The following CADPS2 variants were observed in gnomAD, a reference collection of about 807,000 sequenced individuals.
CADPS2 encodes the protein calcium dependent secretion activator 2.
CADPS2 carries 93 observed loss-of-function variants against 172.5 expected under a neutral mutation model. The ratio of observed to expected loss-of-function variants is 0.54; its 90% CI spans 0.46 to 0.64. CADPS2 has a LOEUF of 0.64. CADPS2 is among the 30% of genes least tolerant of loss of function. The pLI is 0.00. For missense variants in CADPS2, 1,420 were observed against 1,565.9 expected (o/e 0.91, Z 1.57); for synonymous variants, 546 against 555.2 (o/e 0.98, Z 0.23).
chr7:122,708,452 A>ATG (rs1296579623), intron 2 of CADPS2, among the ~76,000 whole-genome samples: 1 of 65,282 alleles, frequency 1.5e-5, no homozygotes, highest in African/African-American at 4.5e-5. Flanking sequence ...GTATATATAT[A>ATG]TGTGTGTGGA....
At chr7:122,471,592 T>C (rs1317148597) in intron 13 of CADPS2, 30 bp from the exon 14 acceptor site, 4 of 1,515,618 alleles carry the variant, frequency 2.6e-6, no homozygotes, top group East Asian at 2.5e-5. Context: ...TAGATATACA[T>C]GTTTTTTCTT....
At chr7:122,374,951 T>C (rs1232095678) in intron 25 of CADPS2, among the ~76,000 whole-genome samples, 1 of 152,088 alleles carries the variant, frequency 6.6e-6, no homozygotes, top group Non-Finnish European at 1.5e-5. Flanking sequence ...TCATCTACAA[T>C]AGCATCAAAA....
intron 17 of CADPS2, among the ~76,000 whole-genome samples, chr7:122,436,910 C>T (rs1330198231): frequency 6.6e-6 from 1 of 151,984 alleles, no homozygotes; most frequent in African/African-American, 2.4e-5. Context: ...AGTTAATAGT[C>T]AAAAATATTA....
intron 19 of CADPS2, among the ~76,000 whole-genome samples, chr7:122,409,193 C>A (rs929186281): frequency 6.6e-6 from 1 of 152,172 alleles, no homozygotes; most frequent in African/African-American, 2.4e-5. Flanking sequence ...ACAGATCTTG[C>A]GCCTATCTTT....
At chr7:122,810,671 G>T (rs1322067464) in intron 1 of CADPS2, among the ~76,000 whole-genome samples, 1 of 152,074 alleles carries the variant, frequency 6.6e-6, no homozygotes, top group Non-Finnish European at 1.5e-5. Context: ...TGGGGCTCAG[G>T]AATTTGCTTT....
intron 2 of CADPS2, among the ~76,000 whole-genome samples, chr7:122,693,855 T>G (rs551902560): frequency 2.0e-5 from 3 of 152,170 alleles, no homozygotes; most frequent in Middle Eastern, 3.4e-3. Flanking sequence ...AATCAGCTAC[T>G]TGGGAGGCTG....
At chr7:122,839,851 C>T (rs11971637) in intron 1 of CADPS2, among the ~76,000 whole-genome samples, 30,205 of 152,114 alleles carry the variant, frequency 0.2, 3,731 homozygotes, top group African/African-American at 0.35. Context: ...ACTGGTTCAA[C>T]CATTGTGGAA....
At chr7:122,876,638 C>T (rs1821286204) in intron 1 of CADPS2, among the ~76,000 whole-genome samples, 1 of 152,050 alleles carries the variant, frequency 6.6e-6, no homozygotes, top group Non-Finnish European at 1.5e-5. Flanking sequence ...GCTGGGATTA[C>T]ATGTATTAGC....
At chr7:122,706,811 C>CATAT (rs200334796) in intron 2 of CADPS2, among the ~76,000 whole-genome samples, 1 of 146,714 alleles carries the variant, frequency 6.8e-6, no homozygotes, top group Admixed American at 6.9e-5. Flanking sequence ...CACACACACA[C>CATAT]ATATATATAT....
chr7:122,798,841 T>C (rs778118979), intron 1 of CADPS2, among the ~76,000 whole-genome samples: 14 of 151,898 alleles, frequency 9.2e-5, no homozygotes, highest in Non-Finnish European at 1.8e-4. Flanking sequence ...CCTCAACTTC[T>C]GCTTGATTTT....
At chr7:122,517,425 G>T (rs1402281667) in intron 8 of CADPS2, among the ~76,000 whole-genome samples, 2 of 151,958 alleles carry the variant, frequency 1.3e-5, no homozygotes, top group Non-Finnish European at 2.9e-5. Context: ...CCTAGGAGTG[G>T]GATTGTAGGG....
chr7:122,423,767 T>C (rs189610773), intron 17 of CADPS2, among the ~76,000 whole-genome samples: 1,603 of 152,320 alleles, frequency 0.011, 28 homozygotes, highest in African/African-American at 0.037. Context: ...TTGCTTGGCA[T>C]CATTCCGAAT....
intron 2 of CADPS2, among the ~76,000 whole-genome samples, chr7:122,690,301 G>T (rs2084166623): frequency 6.6e-6 from 1 of 152,126 alleles, no homozygotes; most frequent in Non-Finnish European, 1.5e-5. Context: ...AGCTTTCTGT[G>T]GTTCCCTTGG....
At chr7:122,471,937 C>T (rs1472187522) in intron 13 of CADPS2, among the ~76,000 whole-genome samples, 1 of 152,102 alleles carries the variant, frequency 6.6e-6, no homozygotes, top group Non-Finnish European at 1.5e-5. Flanking sequence ...AAATTTCCTG[C>T]TCAGGAGAAG....
At chr7:122,794,597 A>G (rs1795970873) in intron 1 of CADPS2, among the ~76,000 whole-genome samples, 1 of 152,072 alleles carries the variant, frequency 6.6e-6, no homozygotes, top group African/African-American at 2.4e-5. Flanking sequence ...ACCTGAGCTC[A>G]GTACTGGATC....
intron 8 of CADPS2, among the ~76,000 whole-genome samples, chr7:122,549,198 T>C (rs1231350473): frequency 1.3e-5 from 2 of 152,146 alleles, no homozygotes; most frequent in South Asian, 2.1e-4. Context: ...GTAGTTTGAG[T>C]CCAGCCTGGG....
At chr7:122,485,495 G>T (rs529325666) in intron 11 of CADPS2, among the ~76,000 whole-genome samples, 55 of 152,338 alleles carry the variant, frequency 3.6e-4, no homozygotes, top group African/African-American at 1.2e-3. Context: ...GCAAGGCCCT[G>T]CCTTTCTTCG....
chr7:122,743,527 A>C (rs1466583507), intron 1 of CADPS2, among the ~76,000 whole-genome samples: 2 of 152,180 alleles, frequency 1.3e-5, no homozygotes, highest in Non-Finnish European at 2.9e-5. Context: ...CCTAGCAAGT[A>C]AAGGTGGTCA....
At chr7:122,709,860 G>T (rs1048830244) in intron 2 of CADPS2, among the ~76,000 whole-genome samples, 80 of 151,856 alleles carry the variant, frequency 5.3e-4, no homozygotes, top group African/African-American at 1.7e-3. Context: ...TGAACAATGA[G>T]AACACATGGA....
Sources: allele counts gnomAD v4.1 joint callset (sites outside exome capture counted in the v4.1 genomes callset), GRCh38; gene constraint gnomAD v4.1.1; transcripts MANE v1.5; gene names NCBI Gene and HGNC (gene_info 2026-07-23, HGNC 2026-07-21).